NEO1: variants seen among roughly 807,000 people sequenced by gnomAD.
NEO1 encodes neogenin 1, also known as neogenin.
In NEO1, 63 loss-of-function variants were observed where a neutral mutation model predicts 159.7. The ratio of observed to expected loss-of-function variants is 0.39; its 90% CI spans 0.32 to 0.49. The LOEUF is 0.49. Among genes scored for constraint, NEO1 ranks in the 20% least tolerant of loss-of-function variants. The pLI, the probability that NEO1 is intolerant of heterozygous loss-of-function variation, is 0.85. For missense variants in NEO1, 1,615 were observed against 1,831.0 expected (o/e 0.88, Z 2.15); for synonymous variants, 633 against 662.0 (o/e 0.96, Z 0.67).
chr15:73,265,591 T>G (rs1179429967), intron 15 of NEO1, among the ~76,000 whole-genome samples: 1 of 152,204 alleles, frequency 6.6e-6, no homozygotes, highest in Non-Finnish European at 1.5e-5. Context: ...TTTCCCAATC[T>G]CAGTGAATGA....
intron 7 of NEO1, among the ~76,000 whole-genome samples, chr15:73,216,970 T>G (rs2037928753): frequency 6.6e-6 from 1 of 151,842 alleles, no homozygotes; most frequent in African/African-American, 2.4e-5. Flanking sequence ...TTTGTTGCCA[T>G]TGCTTTTGGT....
At position 73,207,691 on chromosome 15, in the gene NEO1, G is replaced by A. The variant is rs146307480; in HGVS notation, c.1292-28656G>A. On this transcript the variant is annotated intron_variant, in intron 7 of 28. Coordinates refer to ENST00000261908, the MANE Select transcript of NEO1 (RefSeq NM_002499.4). Reference sequence around the variant, plus strand: ...CACTAGGAAAAGTGTCAATGTCCTTGTGTCACTTATTTTTACAATTCCCAG... The same window carrying A: ...CACTAGGAAAAGTGTCAATGTCCTTATGTCACTTATTTTTACAATTCCCAG... 1.4e-3 allele frequency among the ~76,000 whole-genome samples: 212 copies of A among 152,220 alleles called. 1 individual carries two copies. The highest frequency in any genetic ancestry group is 3.9e-3 in the South Asian group (19 of 4,822).
At chr15:73,186,240 G>A (rs2035919070) in intron 7 of NEO1, among the ~76,000 whole-genome samples, 1 of 151,330 alleles carries the variant, frequency 6.6e-6, no homozygotes, top group African/African-American at 2.4e-5. Flanking sequence ...TAATTAAGGG[G>A]CCATGGTAAT....
At chr15:73,244,287 T>C in intron 8 of NEO1, 57 bp from the exon 9 acceptor site, 1 of 1,540,594 alleles carries the variant, frequency 6.5e-7, no homozygotes, top group Non-Finnish European at 8.8e-7. Flanking sequence ...AATGAAACTG[T>C]ACATTCTGGA....
intron 25 of NEO1, among the ~76,000 whole-genome samples, chr15:73,290,434 T>A (rs1161194252): frequency 6.6e-6 from 1 of 151,842 alleles, no homozygotes; most frequent in Non-Finnish European, 1.5e-5. Context: ...GGTTTCACCA[T>A]ATTGGCCAGG....
chr15:73,098,180 G>A (rs2151489501), intron 1 of NEO1, among the ~76,000 whole-genome samples: 1 of 151,970 alleles, frequency 6.6e-6, no homozygotes, highest in South Asian at 2.1e-4. Flanking sequence ...AGTTCTTTTG[G>A]TCCTTAGAGT....
chr15:73,054,231 T>C (rs1398752405), intron 1 of NEO1, among the ~76,000 whole-genome samples: 1 of 152,250 alleles, frequency 6.6e-6, no homozygotes, highest in Non-Finnish European at 1.5e-5. Flanking sequence ...CTATTTTATA[T>C]GGAAATTCAT....
At chr15:73,270,541 A>G in intron 18 of NEO1, 87 bp downstream of exon 18, 1 of 1,370,362 alleles carries the variant, frequency 7.3e-7, no homozygotes, top group East Asian at 2.4e-5. Flanking sequence ...TTTACAAAAC[A>G]CAGTGAGCAA....
At chr15:73,140,783 A>G (rs1484526379) in intron 5 of NEO1, among the ~76,000 whole-genome samples, 1 of 152,250 alleles carries the variant, frequency 6.6e-6, no homozygotes, top group African/African-American at 2.4e-5. Flanking sequence ...TCACTGCTAC[A>G]TTCGACAATG....
At chr15:73,182,916 A>G (rs1178297162) in intron 7 of NEO1, among the ~76,000 whole-genome samples, 4 of 152,188 alleles carry the variant, frequency 2.6e-5, no homozygotes, top group Non-Finnish European at 5.9e-5. Context: ...GATCATATGC[A>G]TTGTTTCACT....
chr15:73,078,619 C>G (rs1004563156), intron 1 of NEO1, among the ~76,000 whole-genome samples: 1 of 152,206 alleles, frequency 6.6e-6, no homozygotes, highest in Non-Finnish European at 1.5e-5. Context: ...GGGTGTGGCA[C>G]GGGCAACCGT....
At chr15:73,238,257 C>T (rs1029142410) in intron 8 of NEO1, among the ~76,000 whole-genome samples, 3 of 100,460 alleles carry the variant, frequency 3.0e-5, no homozygotes, top group East Asian at 3.0e-4. Context: ...TTGTTTGTTT[C>T]GCTTTTAGTT....
intron 15 of NEO1, among the ~76,000 whole-genome samples, chr15:73,263,488 C>T (rs1168529103): frequency 6.6e-6 from 1 of 152,050 alleles, no homozygotes; most frequent in Non-Finnish European, 1.5e-5. Context: ...AGCCACTGCA[C>T]CCGGCCTCAT....
intron 25 of NEO1, 71 bp from the exon 26 acceptor site, chr15:73,293,319 C>A: frequency 6.3e-7 from 1 of 1,581,092 alleles, no homozygotes; most frequent in Non-Finnish European, 8.6e-7. Flanking sequence ...GGTGACTTTG[C>A]TCTTAAACTG....
At position 73,069,908 on chromosome 15, in the gene NEO1, T is replaced by C. The variant is rs373549847; in HGVS notation, c.130+17103T>C. On this transcript the variant is annotated intron_variant, in intron 1 of 28. Transcript: ENST00000261908. ...GTCTGCTTCCACCTTAAAGCTAGAG[T>C]TTGCTAGTTGGGAAATAATGCTTTG... Among the ~76,000 whole-genome samples, 23 of 152,206 alleles carry C rather than the reference T, an allele frequency of 1.5e-4. 1 individual carries two copies. In the East Asian group the frequency reaches 3.9e-3, roughly 26 times the overall value.
At chr15:73,226,532 T>C (rs2038600434) in intron 7 of NEO1, among the ~76,000 whole-genome samples, 1 of 152,224 alleles carries the variant, frequency 6.6e-6, no homozygotes, top group Non-Finnish European at 1.5e-5. Context: ...CATACTAATA[T>C]GCATGGCAAA....
intron 1 of NEO1, among the ~76,000 whole-genome samples, chr15:73,096,623 A>C (rs2070050858): frequency 6.6e-6 from 1 of 152,218 alleles, no homozygotes; most frequent in Admixed American, 6.5e-5. Flanking sequence ...AAATTTTAGC[A>C]GAAAATTGCA....
At chr15:73,179,958 A>T (rs2035507044) in intron 7 of NEO1, among the ~76,000 whole-genome samples, 1 of 152,170 alleles carries the variant, frequency 6.6e-6, no homozygotes, top group South Asian at 2.1e-4. Context: ...ACAAGGATGT[A>T]TTGAACTTTT....
intron 4 of NEO1, among the ~76,000 whole-genome samples, chr15:73,128,180 C>G (rs1290596528): frequency 6.6e-6 from 1 of 152,030 alleles, no homozygotes; most frequent in Non-Finnish European, 1.5e-5. Context: ...TGCTTCCTCC[C>G]TGTCTTTCCA....
Sources: allele counts gnomAD v4.1 joint callset (sites outside exome capture counted in the v4.1 genomes callset), GRCh38; gene constraint gnomAD v4.1.1; transcripts MANE v1.5; gene names NCBI Gene and HGNC (gene_info 2026-07-23, HGNC 2026-07-21).